EPHX1: variants seen among roughly 807,000 people sequenced by gnomAD.
EPHX1 encodes the protein epoxide hydratase.
Under a neutral mutation model 43.2 loss-of-function variants are expected in EPHX1, and 40 were observed. The observed-to-expected ratio is 0.93, with a 90% CI of 0.72 to 1.21. The LOEUF is 1.21. EPHX1 is among the 50% of genes most tolerant of loss of function. The pLI is 0.00. For synonymous variants in EPHX1, 221 were observed against 226.7 expected (o/e 0.98, Z 0.22); for missense variants, 550 against 570.4 (o/e 0.96, Z 0.36).
intron 1 of EPHX1, among the ~76,000 whole-genome samples, chr1:225,826,759 G>GT (rs1166771943): frequency 3.3e-5 from 5 of 152,144 alleles, no homozygotes; most frequent in African/African-American, 1.2e-4. Flanking sequence ...CTTGAAAGCT[G>GT]TCTCCATAAT....
intron 1 of EPHX1, among the ~76,000 whole-genome samples, chr1:225,825,832 G>A (rs1490090197): frequency 2.0e-5 from 3 of 152,112 alleles, no homozygotes; most frequent in Admixed American, 2.0e-4. Flanking sequence ...TGTTGCTGGG[G>A]GAAGCTCTGC....
chr1:225,844,740 G>C, intron 8 of EPHX1, 117 bp downstream of exon 8: 1 of 1,484,290 alleles, frequency 6.7e-7, no homozygotes, highest in East Asian at 2.4e-5. Flanking sequence ...GCCTGCAGGT[G>C]CCCCAGGGGC....
Position 225,828,806 on chromosome 1 carries a change from C to T in EPHX1, c.77C>T (p.Thr26Ile), listed in dbSNP as rs200146699. 1.2e-6 allele frequency: 2 copies of T among 1,613,856 alleles called. No individual in the cohort carries two copies. Among genetic ancestry groups the T allele is most frequent in the South Asian group, 2.2e-5 (2 of 90,978 alleles). ...TTCATCTCCCGGGACAAAGAGGAAACTTTGCCACTTGAAGATGGGTGGTGG... is the reference window on the plus strand; with the variant it reads ...TTCATCTCCCGGGACAAAGAGGAAATTTTGCCACTTGAAGATGGGTGGTGG... Reference protein sequence around the residue: ...YWFISRDKEETLPLEDGWWGP... With the variant: ...YWFISRDKEEILPLEDGWWGP... The change falls in exon 2 of 9, where the codon ACT becomes ATT. Residue 26 changes from threonine (T) to isoleucine (I), a missense_variant. By Grantham distance (89) the Thr-to-Ile change is moderately conservative (BLOSUM62 -1). Transcript: ENST00000272167.
intron 1 of EPHX1, 114 bp downstream of exon 1, chr1:225,810,283 C>G (rs1575966547): frequency 6.6e-6 from 1 of 151,676 alleles, no homozygotes; most frequent in South Asian, 2.1e-4. Context: ...GGGGTCGGGG[C>G]TGCGGTCGGC....
chr1:225,844,555 C>T lies in EPHX1; in HGVS notation c.1098C>T (p.Thr366=). 1 of 1,614,184 alleles carries T rather than the reference C, an allele frequency of 6.2e-7. No homozygotes were observed. Among genetic ancestry groups the T allele is most frequent in the Non-Finnish European group, 8.5e-7 (1 of 1,180,026 alleles). The change falls in exon 8 of 9, where the codon ACC becomes ACT. Residue 366 remains threonine, a synonymous_variant. Coordinates refer to ENST00000272167, the MANE Select transcript of EPHX1 (RefSeq NM_001136018.4). ...TNVMLYWTTG[T]IISSQRFYKE... is the part of the protein sequence containing the mutation. ...TCATGCTCTACTGGACAACAGGCAC[C>T]ATCATCTCCTCCCAGCGCTTCTACA...
intron 1 of EPHX1, among the ~76,000 whole-genome samples, chr1:225,824,095 A>C (rs1209661577): frequency 6.6e-6 from 1 of 152,110 alleles, no homozygotes; most frequent in African/African-American, 2.4e-5. Flanking sequence ...GGTTAGGCAG[A>C]TAGAGAGTGG....
chr1:225,831,546 CAAA>C (rs75126131), intron 2 of EPHX1, among the ~76,000 whole-genome samples: 4 of 104,664 alleles, frequency 3.8e-5, no homozygotes, highest in East Asian at 5.7e-4. Context: ...GACCCTATCT[CAAA>C]AAAAAAAAAA....
At chr1:225,842,333 T>A in intron 6 of EPHX1, 33 bp from the exon 7 acceptor site, 2 of 1,482,496 alleles carry the variant, frequency 1.3e-6, no homozygotes, top group Non-Finnish European at 1.9e-6. Context: ...TCCCCAGGCC[T>A]GAGTCTCTCC....
chr1:225,844,576 C>T lies in EPHX1; in HGVS notation c.1119C>T (p.Phe373=), dbSNP rs750189303. ...TTGTIISSQR[F]YKENLGQGWM... is the part of the protein sequence containing the mutation. ...GCACCATCATCTCCTCCCAGCGCTTCTACAAGGAGAACCTGGGACAGGGCT... is the reference window on the plus strand; with the variant it reads ...GCACCATCATCTCCTCCCAGCGCTTTTACAAGGAGAACCTGGGACAGGGCT... Residue 373 remains phenylalanine, a synonymous_variant, in exon 8 of 9, where the codon TTC becomes TTT. Transcript: ENST00000272167. The T allele has an allele frequency of 6.2e-7, 1 of 1,614,170 alleles. No individual in the cohort carries two copies. The highest frequency in any genetic ancestry group is 2.2e-5 in the East Asian group (1 of 44,882).
Position 225,817,539 on chromosome 1 carries a change from A to C in EPHX1, c.-6+7370A>C, listed in dbSNP as rs1666781229. Reference sequence around the variant, plus strand: ...GGGGCAGGCTTGGGACCAGGCCTGCAGAAGCAGCAGACCCTCCAAGCCCAC... The same window carrying C: ...GGGGCAGGCTTGGGACCAGGCCTGCCGAAGCAGCAGACCCTCCAAGCCCAC... On this transcript the variant is annotated intron_variant, in intron 1 of 8. Coordinates refer to ENST00000272167, the MANE Select transcript of EPHX1 (RefSeq NM_001136018.4). The surrounding 1 kb of genome is among the most constrained non-coding windows in gnomAD (Gnocchi z 5.7). 6.6e-6 allele frequency among the ~76,000 whole-genome samples: 1 copy of C among 152,284 alleles called. No homozygotes were observed. The highest frequency in any genetic ancestry group is 1.9e-4 in the East Asian group (1 of 5,176).
intron 1 of EPHX1, among the ~76,000 whole-genome samples, chr1:225,812,095 G>A (rs1040591248): frequency 6.6e-6 from 1 of 152,136 alleles, no homozygotes; most frequent in African/African-American, 2.4e-5. Flanking sequence ...TGCAAAGGCT[G>A]GGGGCAGGAG....
intron 1 of EPHX1, among the ~76,000 whole-genome samples, chr1:225,827,415 A>G (rs2671272): frequency 0.7 from 106,365 of 152,132 alleles, 39,280 homozygotes; most frequent in South Asian, 0.93. Context: ...AGAACAGTCT[A>G]TGGGTTACTT....
intron 3 of EPHX1, among the ~76,000 whole-genome samples, chr1:225,835,289 G>A (rs1667887073): frequency 6.6e-6 from 1 of 151,320 alleles, no homozygotes; most frequent in Non-Finnish European, 1.5e-5. Flanking sequence ...TGTGATCACA[G>A]TTCATTGCAG....
intron 3 of EPHX1, chr1:225,832,272 G>T: frequency 2.6e-6 from 1 of 381,178 alleles, no homozygotes; most frequent in Non-Finnish European, 5.0e-6. Context: ...AAGTGGGGTG[G>T]CTCAGAACTG....
intron 3 of EPHX1, among the ~76,000 whole-genome samples, chr1:225,837,871 A>T (rs1278312330): frequency 3.9e-5 from 6 of 152,220 alleles, no homozygotes; most frequent in African/African-American, 1.4e-4. Flanking sequence ...GAAAAAGGTG[A>T]CATTTTGTCA....
chr1:225,818,599 G>A (rs889200023), intron 1 of EPHX1, among the ~76,000 whole-genome samples: 59 of 152,088 alleles, frequency 3.9e-4, no homozygotes, highest in Admixed American at 2.0e-4. Context: ...AGATCGGGGG[G>A]CAGCGTGAGA....
Position 225,845,330 on chromosome 1 carries a change from G to T in EPHX1, c.1351G>T (p.Val451Leu). 6 of 1,610,908 alleles carry T rather than the reference G, an allele frequency of 3.7e-6. No individual in the cohort carries two copies. The highest frequency in any genetic ancestry group is 5.1e-6 in the Non-Finnish European group (6 of 1,179,892). ...CCAGGACATCCGCAAGTTCCTGTCG[G>T]TGCTGGAGCGGCAATGACCCACCCC... is the stretch of plus-strand genomic sequence containing the variant. ...LAQDIRKFLSVLERQ is the reference protein window; with the variant it reads ...LAQDIRKFLSLLERQ The change falls in exon 9 of 9, where the codon GTG (valine) becomes TTG (leucine). Residue 451 changes from valine to leucine, a missense_variant. By Grantham distance (32) the Val-to-Leu change is conservative (BLOSUM62 1). Coordinates refer to ENST00000272167, the MANE Select transcript of EPHX1 (RefSeq NM_001136018.4).
intron 1 of EPHX1, among the ~76,000 whole-genome samples, chr1:225,822,966 C>T (rs1431103449): frequency 6.6e-6 from 1 of 152,104 alleles, no homozygotes; most frequent in Non-Finnish European, 1.5e-5. Context: ...AACAGGGGCT[C>T]CTCTGGGGTC....
intron 1 of EPHX1, among the ~76,000 whole-genome samples, chr1:225,815,789 C>T (rs1666699187): frequency 6.6e-6 from 1 of 152,218 alleles, no homozygotes; most frequent in Non-Finnish European, 1.5e-5. Flanking sequence ...GGCTCAGGTT[C>T]CTCCATGAGG....
Sources: gnomAD v4.1 joint callset for allele counts (sites outside exome capture counted in the v4.1 genomes callset) on GRCh38, gnomAD v4.1.1 for gene constraint, Gnocchi (gnomAD v3.1) non-coding constraint, MANE v1.5 for transcripts, NCBI Gene and HGNC (gene_info 2026-07-23, HGNC 2026-07-21) for gene names.